The following CNTNAP4 variants were observed in gnomAD, a reference collection of about 807,000 sequenced individuals.
CNTNAP4 encodes the protein contactin associated protein family member 4.
A neutral mutation model predicts 148.4 loss-of-function variants in CNTNAP4; 98 were observed. The observed-to-expected ratio is 0.66, with a 90% CI of 0.56 to 0.78. The LOEUF is 0.78. Among genes scored for constraint, CNTNAP4 ranks in the 30% least tolerant of loss-of-function variants. The pLI is 0.00. For synonymous variants in CNTNAP4, 730 were observed against 565.1 expected (o/e 1.29, Z -4.14); for missense variants, 1,935 against 1,565.6 (o/e 1.24, Z -3.98).
intron 4 of CNTNAP4, among the ~76,000 whole-genome samples, chr16:76,438,234 G>T (rs1655683754): frequency 6.6e-6 from 1 of 152,060 alleles, no homozygotes; most frequent in South Asian, 2.1e-4. Flanking sequence ...ATTTCCCTCA[G>T]ATCCTTGGCC....
intron 2 of CNTNAP4, among the ~76,000 whole-genome samples, chr16:76,354,207 C>G (rs2012254742): frequency 6.6e-6 from 1 of 152,072 alleles, no homozygotes. Flanking sequence ...GTAACTTTTA[C>G]AATGATTATA....
chr16:76,331,442 C>A (rs1289398621), intron 2 of CNTNAP4, among the ~76,000 whole-genome samples: 2 of 151,242 alleles, frequency 1.3e-5, no homozygotes, highest in African/African-American at 4.9e-5. Context: ...CCTGCCTCAG[C>A]ATCCCAAAGT....
At chr16:76,521,633 G>C (rs1271762228) in intron 16 of CNTNAP4, among the ~76,000 whole-genome samples, 5 of 152,036 alleles carry the variant, frequency 3.3e-5, no homozygotes, top group Admixed American at 3.3e-4. Flanking sequence ...CTTCTAAGCT[G>C]CTCTTATCTT....
At chr16:76,510,478 T>C (rs79317318) in intron 15 of CNTNAP4, among the ~76,000 whole-genome samples, 1 of 151,816 alleles carries the variant, frequency 6.6e-6, no homozygotes, top group African/African-American at 2.4e-5. Context: ...GCTTTTTTTT[T>C]TGTGGACAAA....
In CNTNAP4 at chr16:76,535,551, C is replaced by A. The variant is rs536912652; in HGVS notation, c.2762C>A (p.Thr921Lys). The change falls in exon 18 of 24, where the codon ACG becomes AAG. Residue 921 changes from threonine (T) to lysine (K), a missense_variant. Physicochemically the swap from Thr to Lys is moderately conservative, Grantham distance 78 (BLOSUM62 -1). Transcript: ENST00000611870. ...QLNSQLFVGG[T>K]ATRQRGFLGC... ...TGCAGTATTTCCCTTTTAGGTGGAA[C>A]GGCCACCAGACAGAGAGGCTTTCTG... 6.2e-7 allele frequency: 1 copy of A among 1,611,860 alleles called. No individual in the cohort carries two copies. The highest frequency in any genetic ancestry group is 1.3e-5 in the African/African-American group (1 of 74,940).
At chr16:76,313,462 A>T (rs1176775013) in intron 1 of CNTNAP4, among the ~76,000 whole-genome samples, 2 of 152,150 alleles carry the variant, frequency 1.3e-5, no homozygotes, top group Non-Finnish European at 2.9e-5. Context: ...AGCATACTAA[A>T]ACATTTTTGT....
intron 3 of CNTNAP4, among the ~76,000 whole-genome samples, chr16:76,380,904 C>T (rs16944329): frequency 2.0e-5 from 3 of 152,160 alleles, no homozygotes; most frequent in African/African-American, 7.2e-5. Context: ...TATGACCTAT[C>T]ATGAACTCAT....
intron 2 of CNTNAP4, among the ~76,000 whole-genome samples, chr16:76,333,048 T>C (rs1963680027): frequency 6.6e-6 from 1 of 152,214 alleles, no homozygotes; most frequent in African/African-American, 2.4e-5. Context: ...AACAGATGTT[T>C]CTTTCATAAA....
chr16:76,325,694 T>C lies in CNTNAP4; in HGVS notation c.196+9171T>C, dbSNP rs561370194. Among the ~76,000 whole-genome samples the C allele has an allele frequency of 2.0e-5, 3 of 152,240 alleles. No individual in the cohort carries two copies. In the South Asian group the frequency reaches 6.2e-4, roughly 32 times the overall value. ...GAAAAAAGGTTAAATATGAATGATTTTTCCATGCATTCATCCCAAAAAACT... is the reference window on the plus strand; with the variant it reads ...GAAAAAAGGTTAAATATGAATGATTCTTCCATGCATTCATCCCAAAAAACT... On this transcript the variant is annotated intron_variant, in intron 2 of 23. Coordinates refer to ENST00000611870, the MANE Select transcript of CNTNAP4 (RefSeq NM_033401.5).
intron 15 of CNTNAP4, among the ~76,000 whole-genome samples, chr16:76,501,484 C>A (rs138761170): frequency 6.6e-6 from 1 of 152,302 alleles, no homozygotes; most frequent in Non-Finnish European, 1.5e-5. Flanking sequence ...ATTTTAAGCA[C>A]ACAACATCAT....
intron 4 of CNTNAP4, among the ~76,000 whole-genome samples, chr16:76,436,819 AT>A (rs1344306387): frequency 1.3e-5 from 2 of 152,082 alleles, no homozygotes; most frequent in Non-Finnish European, 2.9e-5. Context: ...AGTCCTTAGC[AT>A]TTTTGGGTCT....
At chr16:76,552,268 C>T (rs889902329) in intron 21 of CNTNAP4, among the ~76,000 whole-genome samples, 1 of 152,170 alleles carries the variant, frequency 6.6e-6, no homozygotes, top group African/African-American at 2.4e-5. Context: ...CAGGGTCCCT[C>T]CCTTGACACG....
intron 8 of CNTNAP4, among the ~76,000 whole-genome samples, chr16:76,460,776 ATATAT>A (rs1568265981): frequency 7.1e-4 from 48 of 67,474 alleles, no homozygotes; most frequent in East Asian, 1.3e-3. Context: ...AAAAAAAAAT[ATATAT>A]ATATATATAT....
Position 76,538,368 on chromosome 16 carries a change from A to T in CNTNAP4, c.3220+28A>T, listed in dbSNP as rs370869439. 4.0e-6 allele frequency: 6 copies of T among 1,488,464 alleles called. No individual in the cohort carries two copies. The South Asian group carries it at 6.9e-5, about 17-fold the overall frequency. 92.2% of individuals were successfully genotyped at this position (1,488,464 alleles called of 1,614,324 possible). ...GAGTTCTTTTTAGATGAGAGAGAGA[A>T]AATTAAATTAGAACACTAGCTCTGT... is the stretch of plus-strand genomic sequence containing the variant. On this transcript the variant is annotated intron_variant, in intron 19 of 23. Coordinates refer to ENST00000611870, the MANE Select transcript of CNTNAP4 (RefSeq NM_033401.5).
chr16:76,344,837 T>TA (rs1322187104), intron 2 of CNTNAP4, among the ~76,000 whole-genome samples: 1 of 152,218 alleles, frequency 6.6e-6, no homozygotes, highest in African/African-American at 2.4e-5. Flanking sequence ...TCTGATTTCC[T>TA]AACCTTCTAC....
chr16:76,377,411 G>A (rs1348898941), intron 3 of CNTNAP4, among the ~76,000 whole-genome samples: 21 of 152,144 alleles, frequency 1.4e-4, no homozygotes, highest in Admixed American at 1.4e-3. Context: ...AATAAAAATG[G>A]AATGATGGAA....
chr16:76,415,521 T>G (rs913162650), intron 3 of CNTNAP4, among the ~76,000 whole-genome samples: 1 of 151,140 alleles, frequency 6.6e-6, no homozygotes, highest in Non-Finnish European at 1.5e-5. Flanking sequence ...ATACATGTTT[T>G]ATAGTACAAT....
At chr16:76,291,622 G>T (rs933544768) in intron 1 of CNTNAP4, among the ~76,000 whole-genome samples, 7 of 152,048 alleles carry the variant, frequency 4.6e-5, no homozygotes, top group African/African-American at 1.7e-4. Context: ...GTTTTATCTG[G>T]CACTTTCCCA....
Position 76,522,155 on chromosome 16 carries a change from A to G in CNTNAP4, c.2653A>G (p.Met885Val). 3.1e-6 allele frequency: 5 copies of G among 1,613,986 alleles called. No individual in the cohort carries two copies. The highest frequency in any genetic ancestry group is 4.2e-6 in the Non-Finnish European group (5 of 1,179,858). Residue 885 changes from methionine to valine, a missense_variant, in exon 17 of 24, where the codon ATG becomes GTG. By Grantham distance (21) the Met-to-Val change is conservative (BLOSUM62 1). Coordinates refer to ENST00000611870, the MANE Select transcript of CNTNAP4 (RefSeq NM_033401.5). ...GCACCATGTGAGGGTTGAAAGGAAC[A>G]TGAAGGAGGCCTCCCTTCAAGTGGA... ...QWHHVRVERN[M>V]KEASLQVDQL... is the part of the protein sequence containing the mutation.
Sources: gnomAD v4.1 joint callset for allele counts (sites outside exome capture counted in the v4.1 genomes callset) on GRCh38, gnomAD v4.1.1 for gene constraint, MANE v1.5 for transcripts, NCBI Gene and HGNC (gene_info 2026-07-23, HGNC 2026-07-21) for gene names.